The following ULK4 variants were observed in gnomAD, a reference collection of about 807,000 sequenced individuals.
ULK4 encodes the protein unc-51 like kinase 4.
Under a neutral mutation model 160.6 loss-of-function variants are expected in ULK4, and 133 were observed. That is an observed-to-expected ratio of 0.83 (90% CI 0.72 to 0.96). ULK4 has a LOEUF of 0.96. Ranked by LOEUF, ULK4 falls within the 40% of genes least tolerant of loss-of-function variation. The pLI is 0.00. For synonymous variants in ULK4, 534 were observed against 539.8 expected (o/e 0.99, Z 0.15); for missense variants, 1,580 against 1,499.5 (o/e 1.05, Z -0.89).
chr3:41,665,619 C>T (rs570794593), intron 29 of ULK4, among the ~76,000 whole-genome samples: 14 of 151,766 alleles, frequency 9.2e-5, no homozygotes, highest in South Asian at 6.2e-4. Context: ...TATAATCAAG[C>T]GTAATTTCAA....
chr3:41,462,499 C>T (rs148251609), intron 33 of ULK4, among the ~76,000 whole-genome samples: 21 of 152,334 alleles, frequency 1.4e-4, no homozygotes, highest in African/African-American at 4.8e-4. Context: ...TCCTGCCTTA[C>T]AGCATAATGC....
At chr3:41,599,648 T>C (rs542880000) in intron 31 of ULK4, among the ~76,000 whole-genome samples, 139 of 147,878 alleles carry the variant, frequency 9.4e-4, no homozygotes, top group Non-Finnish European at 1.7e-3. Flanking sequence ...CACTGCAACC[T>C]TCACCTCCTG....
chr3:41,435,047 GAATCTTT>G (rs2083003225), intron 34 of ULK4, among the ~76,000 whole-genome samples: 1 of 152,170 alleles, frequency 6.6e-6, no homozygotes, highest in Non-Finnish European at 1.5e-5. Flanking sequence ...TGCCTCAACT[GAATCTTT>G]AATTATGAGC....
chr3:41,731,073 T>C (rs530464928), intron 22 of ULK4, among the ~76,000 whole-genome samples: 16 of 152,112 alleles, frequency 1.1e-4, no homozygotes, highest in Non-Finnish European at 2.1e-4. Flanking sequence ...CATGGCTAAA[T>C]GTAATACCTG....
At chr3:41,426,512 T>A (rs923683418) in intron 34 of ULK4, among the ~76,000 whole-genome samples, 1 of 152,196 alleles carries the variant, frequency 6.6e-6, no homozygotes, top group Non-Finnish European at 1.5e-5. Flanking sequence ...GTTGATCACA[T>A]AATCTGAAGC....
intron 17 of ULK4, among the ~76,000 whole-genome samples, chr3:41,855,820 T>C (rs909569860): frequency 2.0e-5 from 3 of 152,180 alleles, no homozygotes; most frequent in African/African-American, 7.2e-5. Context: ...TTAAATGTGA[T>C]GCTTTGCTAG....
At chr3:41,582,717 C>G (rs1006547587) in intron 31 of ULK4, among the ~76,000 whole-genome samples, 2 of 152,190 alleles carry the variant, frequency 1.3e-5, no homozygotes, top group Admixed American at 6.5e-5. Flanking sequence ...TTACAATAAA[C>G]CAGGGGAAAT....
intron 32 of ULK4, among the ~76,000 whole-genome samples, chr3:41,565,638 ATGC>A (rs1172114952): frequency 6.6e-6 from 1 of 152,222 alleles, no homozygotes; most frequent in Non-Finnish European, 1.5e-5. Context: ...ACCTCACCAC[ATGC>A]AGCCCCTCAA....
At chr3:41,901,147 T>A (rs953904575) in intron 12 of ULK4, among the ~76,000 whole-genome samples, 2 of 151,240 alleles carry the variant, frequency 1.3e-5, no homozygotes, top group Non-Finnish European at 2.9e-5. Flanking sequence ...TGAGGCAAAT[T>A]GGTTTTTCCA....
At chr3:41,724,737 A>C (rs191431099) in intron 22 of ULK4, among the ~76,000 whole-genome samples, 36 of 152,206 alleles carry the variant, frequency 2.4e-4, no homozygotes, top group East Asian at 5.8e-4. Context: ...CAAAACAAAA[A>C]AAAAATTCCA....
intron 35 of ULK4, among the ~76,000 whole-genome samples, chr3:41,281,332 T>A (rs527680464): frequency 1.3e-5 from 2 of 152,274 alleles, no homozygotes; most frequent in South Asian, 4.2e-4. Context: ...TACCAAAGCC[T>A]TGCAGAGACA....
chr3:41,249,704 G>T, intron 35 of ULK4, 130 bp from the exon 36 acceptor site: 1 of 887,464 alleles, frequency 1.1e-6, no homozygotes, highest in Non-Finnish European at 1.7e-6. Context: ...GGTGTCCCCT[G>T]GGCTTGTCTG....
intron 31 of ULK4, among the ~76,000 whole-genome samples, chr3:41,567,341 A>G (rs2087815980): frequency 6.6e-6 from 1 of 152,154 alleles, no homozygotes; most frequent in Non-Finnish European, 1.5e-5. Flanking sequence ...AAAAGAAAAA[A>G]GCAGAGCAGG....
intron 34 of ULK4, among the ~76,000 whole-genome samples, chr3:41,429,877 T>A (rs2082864069): frequency 6.6e-6 from 1 of 152,174 alleles, no homozygotes; most frequent in South Asian, 2.1e-4. Flanking sequence ...ACAAACCTGC[T>A]CATCCTGCAC....
At chr3:41,422,174 G>A (rs2082678535) in intron 34 of ULK4, among the ~76,000 whole-genome samples, 1 of 152,086 alleles carries the variant, frequency 6.6e-6, no homozygotes, top group South Asian at 2.1e-4. Context: ...AAGAAGTCTT[G>A]TAAGATACCT....
At chr3:41,631,052 A>G (rs771781265) in intron 30 of ULK4, among the ~76,000 whole-genome samples, 4 of 152,204 alleles carry the variant, frequency 2.6e-5, no homozygotes, top group Non-Finnish European at 5.9e-5. Context: ...CTTCAAAAAG[A>G]AACAGTTTCA....
intron 16 of ULK4, among the ~76,000 whole-genome samples, chr3:41,886,179 T>C (rs761430268): frequency 2.0e-5 from 3 of 152,190 alleles, no homozygotes; most frequent in Non-Finnish European, 4.4e-5. Context: ...ATGTGCTGAA[T>C]GTGGAAGCTA....
intron 35 of ULK4, among the ~76,000 whole-genome samples, chr3:41,346,905 A>G (rs1336109681): frequency 6.6e-6 from 1 of 152,218 alleles, no homozygotes; most frequent in East Asian, 1.9e-4. Flanking sequence ...GGGCTTGGTC[A>G]CATATAGACT....
chr3:41,741,541 T>A (rs186485080), intron 22 of ULK4, among the ~76,000 whole-genome samples: 2 of 152,122 alleles, frequency 1.3e-5, no homozygotes, highest in African/African-American at 4.8e-5. Flanking sequence ...TTAAATAACC[T>A]AAAGCATATA....
Sources: allele counts gnomAD v4.1 joint callset (sites outside exome capture counted in the v4.1 genomes callset), GRCh38; gene constraint gnomAD v4.1.1; transcripts MANE v1.5; gene names NCBI Gene and HGNC (gene_info 2026-07-23, HGNC 2026-07-21).